The following RYR2 variants were observed in gnomAD, a reference collection of about 807,000 sequenced individuals.
RYR2 encodes cardiac muscle ryanodine receptor-calcium release channel.
In RYR2, 227 loss-of-function variants were observed where a neutral mutation model predicts 601.1. That is an observed-to-expected ratio of 0.38 (90% confidence interval 0.34 to 0.42). The LOEUF is 0.42. Ranked by LOEUF, RYR2 falls within the 10% of genes least tolerant of loss-of-function variation. The pLI is 1.00. For synonymous variants in RYR2, 2,223 were observed against 2,175.1 expected, an observed-to-expected ratio of 1.02 and a Z score of -0.61; for missense variants, 4,646 against 6,156.5, an observed-to-expected ratio of 0.75 and a Z score of 8.21.
intron 73 of RYR2, among the ~76,000 whole-genome samples, chr1:237,722,787 C>G (rs1262914271): frequency 6.6e-6 from 1 of 152,124 alleles, no homozygotes; most frequent in East Asian, 1.9e-4. Context: ...CAGGATGTTT[C>G]AATATACATA....
At chr1:237,367,461 T>G (rs908385970) in intron 5 of RYR2, among the ~76,000 whole-genome samples, 4 of 152,182 alleles carry the variant, frequency 2.6e-5, no homozygotes, top group African/African-American at 9.7e-5. Context: ...TTTAGAATAG[T>G]TCTGAGTTTT....
At chr1:237,515,206 A>G (rs932477696) in intron 24 of RYR2, among the ~76,000 whole-genome samples, 1 of 152,210 alleles carries the variant, frequency 6.6e-6, no homozygotes, top group African/African-American at 2.4e-5. Context: ...AAATGTGACC[A>G]GTGTTACCAA....
intron 1 of RYR2, among the ~76,000 whole-genome samples, chr1:237,196,326 A>G (rs779001819): frequency 1.3e-5 from 2 of 152,212 alleles, no homozygotes; most frequent in Non-Finnish European, 2.9e-5. Flanking sequence ...TCTATGTTTT[A>G]TGGTATACCT....
chr1:237,801,541 C>CAAAAAA (rs113741938), intron 97 of RYR2, among the ~76,000 whole-genome samples: 138 of 106,380 alleles, frequency 1.3e-3, no homozygotes, highest in African/African-American at 3.4e-3. Flanking sequence ...AACTCTGTCT[C>CAAAAAA]AAAAAAAAAA....
At chr1:237,441,267 C>T (rs1707870519) in intron 12 of RYR2, 52 bp from the exon 13 acceptor site, 1 of 1,598,968 alleles carries the variant, frequency 6.3e-7, no homozygotes, top group Non-Finnish European at 8.6e-7. Flanking sequence ...TATTGCCATA[C>T]ACTAGTATTT....
In RYR2 at chr1:237,377,058, A is replaced by G. The variant is rs147758984; in HGVS notation, c.464-265A>G. Among the ~76,000 whole-genome samples the G allele has an allele frequency of 1.0e-3, 152 of 152,166 alleles. 1 individual carries two copies. The highest frequency in any genetic ancestry group is 4.8e-3 in the East Asian group (25 of 5,186). ...GTGTGAGTGGTGAATTTAGCCTTAG[A>G]TGAGTATAAATAAACATCGCTTTAA... On this transcript the variant is annotated intron_variant, in intron 7 of 104. Transcript: ENST00000366574.
chr1:237,090,675 C>A (rs866124162), intron 1 of RYR2, among the ~76,000 whole-genome samples: 11 of 152,212 alleles, frequency 7.2e-5, no homozygotes, highest in Non-Finnish European at 4.4e-5. Flanking sequence ...AGGAAACTGG[C>A]ATATACTTTG....
At chr1:237,771,982 G>A (rs1209109282) in intron 85 of RYR2, 30 bp from the exon 86 acceptor site, 2 of 1,255,982 alleles carry the variant, frequency 1.6e-6, no homozygotes, top group African/African-American at 1.5e-5. Context: ...TTCTGAGCAA[G>A]CATTAATAAC....
chr1:237,164,770 G>A (rs890818397), intron 1 of RYR2, among the ~76,000 whole-genome samples: 1 of 152,066 alleles, frequency 6.6e-6, no homozygotes, highest in Non-Finnish European at 1.5e-5. Flanking sequence ...TCCAGTTCAG[G>A]CCAGACCTCA....
chr1:237,167,029 A>G (rs1676785395), intron 1 of RYR2, among the ~76,000 whole-genome samples: 1 of 152,254 alleles, frequency 6.6e-6, no homozygotes, highest in African/African-American at 2.4e-5. Flanking sequence ...TTCACTGCAG[A>G]TGGGCTATTA....
rs1572418365 is a variant in RYR2, at chr1:237,268,950, A to AAAAC, written c.49-1544_49-1543insCAAA. ...ACTCTTGTCTCAAAAAAAAAAAAAA[A>AAAAC]AAAAAAAAAAAGGAAATAAAGGCAA... is the stretch of plus-strand genomic sequence containing the variant. On this transcript the variant is annotated intron_variant, in intron 1 of 104. Transcript: ENST00000366574. 3.7e-5 allele frequency among the ~76,000 whole-genome samples: 4 copies of AAAAC among 107,150 alleles called. 2 individuals carry two copies. The highest frequency in any genetic ancestry group is 2.7e-4 in the Admixed American group (2 of 7,310). 70.3% of individuals were successfully genotyped at this position (107,150 alleles called of 152,430 possible).
At chr1:237,722,494 C>T (rs536550756) in intron 73 of RYR2, among the ~76,000 whole-genome samples, 1 of 149,914 alleles carries the variant, frequency 6.7e-6, no homozygotes. Context: ...AGTGCAGTGG[C>T]GCGATCTCGG....
At chr1:237,520,764 G>A (rs1667006717) in intron 24 of RYR2, among the ~76,000 whole-genome samples, 2 of 152,100 alleles carry the variant, frequency 1.3e-5, no homozygotes, top group African/African-American at 2.4e-5. Flanking sequence ...GGCCAGGTGC[G>A]GTGGCTCATG....
chr1:237,602,448 A>T (rs1676610232), intron 35 of RYR2, among the ~76,000 whole-genome samples: 2 of 152,366 alleles, frequency 1.3e-5, no homozygotes, highest in Non-Finnish European at 2.9e-5. Flanking sequence ...CAATAGTGGT[A>T]TGTATGGAAT....
Position 237,687,458 on chromosome 1 carries a change from A to G in RYR2, c.9021A>G (p.Leu3007=), listed in dbSNP as rs748115355. 3.2e-6 allele frequency: 5 copies of G among 1,577,314 alleles called. No individual in the cohort carries two copies. The highest frequency in any genetic ancestry group is 1.1e-5 in the South Asian group (1 of 89,394). ...SNKEKEMVTS[L]FCKLGVLVRH... is the part of the protein sequence containing the mutation. Reference sequence around the variant, plus strand: ...TTTGTTTTTCTTTTGTCTTCAGCCTATTCTGCAAACTTGGAGTTCTTGTCA... The same window carrying G: ...TTTGTTTTTCTTTTGTCTTCAGCCTGTTCTGCAAACTTGGAGTTCTTGTCA... Residue 3007 remains leucine, a synonymous_variant, in exon 63 of 105, where the codon CTA becomes CTG. Transcript: ENST00000366574.
chr1:237,488,380 C>G (rs115111383), intron 17 of RYR2, among the ~76,000 whole-genome samples: 3,359 of 152,268 alleles, frequency 0.022, 53 homozygotes, highest in Middle Eastern at 0.061. Flanking sequence ...CCTCCTTTCT[C>G]AAAGAAAGTT....
At chr1:237,395,558 T>C (rs1014416062) in intron 10 of RYR2, among the ~76,000 whole-genome samples, 87 of 58,268 alleles carry the variant, frequency 1.5e-3, no homozygotes, top group South Asian at 2.6e-3. Flanking sequence ...TTTTTTTTTT[T>C]TTTTTTGAGA....
At chr1:237,154,805 T>C (rs1401663351) in intron 1 of RYR2, among the ~76,000 whole-genome samples, 1 of 152,266 alleles carries the variant, frequency 6.6e-6, no homozygotes, top group Non-Finnish European at 1.5e-5. Flanking sequence ...TATTTTCTTC[T>C]TGTTAGCTTT....
chr1:237,414,870 T>G, intron 10 of RYR2, among the ~76,000 whole-genome samples: 1 of 152,122 alleles, frequency 6.6e-6, no homozygotes, highest in Non-Finnish European at 1.5e-5. Flanking sequence ...GCAATCTGGG[T>G]CTTAACAAAC....
Sources: allele counts gnomAD v4.1 joint callset (sites outside exome capture counted in the v4.1 genomes callset), GRCh38; gene constraint gnomAD v4.1.1; transcripts MANE v1.5; gene names NCBI Gene and HGNC (gene_info 2026-07-23, HGNC 2026-07-21).